The following LGR6 variants were observed in gnomAD, a reference collection of about 807,000 sequenced individuals.
LGR6 encodes leucine-rich repeat-containing G protein-coupled receptor 6.
In LGR6, 45 loss-of-function variants were observed where a neutral mutation model predicts 69.4. The observed-to-expected ratio is 0.65, with a 90% CI of 0.51 to 0.83. LGR6 has a LOEUF of 0.83. LGR6 is among the 40% of genes least tolerant of loss of function. LGR6 has a pLI of 0.00. For missense variants in LGR6, 1,108 were observed against 1,246.7 expected, an observed-to-expected ratio of 0.89 and a Z score of 1.68; for synonymous variants, 538 against 555.0, an observed-to-expected ratio of 0.97 and a Z score of 0.43.
Position 202,253,620 on chromosome 1 carries a change from C to CTTT in LGR6, c.428+17651_428+17653dup, listed in dbSNP as rs71141468. Among the ~76,000 whole-genome samples, 28 of 52,486 alleles carry CTTT rather than the reference C, an allele frequency of 5.3e-4. 2 individuals carry two copies. Among genetic ancestry groups the CTTT allele is most frequent in the Middle Eastern group, 0.024 (1 of 42 alleles). 34.4% of individuals were successfully genotyped at this position (52,486 alleles called of 152,430 possible). On this transcript the variant is annotated intron_variant, in intron 4 of 17. Transcript: ENST00000367278. ...GCCTGGCCAAGATGGTCCTACTATT[C>CTTT]TTTTTTTTTTTTTTTTTTTTTTTTT...
chr1:202,259,821 C>T (rs968897864), intron 4 of LGR6, among the ~76,000 whole-genome samples: 2 of 152,136 alleles, frequency 1.3e-5, no homozygotes, highest in African/African-American at 2.4e-5. Flanking sequence ...GCCTGAGTTC[C>T]CTCTCTTTGT....
At chr1:202,307,531 C>A in intron 14 of LGR6, 130 bp downstream of exon 14, 1 of 730,974 alleles carries the variant, frequency 1.4e-6, no homozygotes, top group Admixed American at 2.2e-5. Context: ...TCAGCCTAAT[C>A]AATCATTCTG....
intron 1 of LGR6, among the ~76,000 whole-genome samples, chr1:202,204,668 C>T (rs111205721): frequency 2.3e-3 from 25 of 10,970 alleles, no homozygotes; most frequent in Admixed American, 3.4e-3. Flanking sequence ...CAAACACACA[C>T]ACGCCTCCAA....
intron 9 of LGR6, among the ~76,000 whole-genome samples, chr1:202,301,975 C>T (rs1283487685): frequency 1.3e-5 from 2 of 151,974 alleles, no homozygotes; most frequent in East Asian, 1.9e-4. Flanking sequence ...GCCGAGATCG[C>T]GCCATTGCAC....
chr1:202,225,512 A>C lies in LGR6; in HGVS notation c.284+18A>C. ...GAGGAGCTGTGAGTAGATGCTTTGC[A>C]GGGTGGGAGGCAAGCATGGGCTCTG... On this transcript the variant is annotated intron_variant, in intron 2 of 17. Coordinates refer to ENST00000367278, the MANE Select transcript of LGR6 (RefSeq NM_001017403.2). 6.2e-7 allele frequency: 1 copy of C among 1,607,408 alleles called. No individual in the cohort carries two copies. The highest frequency in any genetic ancestry group is 8.5e-7 in the Non-Finnish European group (1 of 1,174,148).
chr1:202,288,153 C>G (rs1224349251), intron 6 of LGR6, among the ~76,000 whole-genome samples: 1 of 152,196 alleles, frequency 6.6e-6, no homozygotes, highest in East Asian at 1.9e-4. Context: ...CAAGCCTTTT[C>G]CTTTTGTCTG....
chr1:202,298,526 A>T (rs788824), intron 7 of LGR6: 68,370 of 146,496 alleles, frequency 0.47, 17,233 homozygotes, highest in East Asian at 0.7. Context: ...CTTAGTATCT[A>T]TTTTTTTTTT....
At chr1:202,200,043 A>G (rs1283315884) in intron 1 of LGR6, among the ~76,000 whole-genome samples, 2 of 152,182 alleles carry the variant, frequency 1.3e-5, no homozygotes, top group Admixed American at 6.5e-5. Context: ...GCCCCATCAG[A>G]TCACCCTTCC....
At chr1:202,302,047 C>T (rs1160954196) in intron 9 of LGR6, among the ~76,000 whole-genome samples, 2 of 151,966 alleles carry the variant, frequency 1.3e-5, no homozygotes, top group Non-Finnish European at 2.9e-5. Flanking sequence ...ATTAGCCGGA[C>T]GTGGTGGTGC....
Position 202,225,432 on chromosome 1 carries a change from C to T in LGR6, c.222C>T (p.Ser74=). Residue 74 remains serine, a synonymous_variant, in exon 2 of 18, where the codon AGC becomes AGT. Transcript: ENST00000367278. ...ATCTTCTCTCCACCAGGGACCTCAG[C>T]ATGAACAACCTCACAGAGCTTCAGC... ...LDPLTAYLDL[S]MNNLTELQPG... 1 of 1,613,836 alleles carries T rather than the reference C, an allele frequency of 6.2e-7. No individual in the cohort carries two copies. Among genetic ancestry groups the T allele is most frequent in the South Asian group, 1.1e-5 (1 of 91,076 alleles).
intron 4 of LGR6, among the ~76,000 whole-genome samples, chr1:202,251,016 C>T (rs977097069): frequency 3.3e-5 from 5 of 152,140 alleles, no homozygotes; most frequent in Admixed American, 6.5e-5. Flanking sequence ...GGGCCCTGCC[C>T]GCTCTCTGCT....
chr1:202,277,403 A>G (rs1665657219), intron 5 of LGR6, among the ~76,000 whole-genome samples: 1 of 151,964 alleles, frequency 6.6e-6, no homozygotes, highest in South Asian at 2.1e-4. Context: ...ATCCTTGTGG[A>G]CTATATTCTT....
At position 202,314,003 on chromosome 1, in the gene LGR6, C is replaced by T. The variant is rs144190177; in HGVS notation, c.1568-799C>T. 4.6e-5 allele frequency among the ~76,000 whole-genome samples: 7 copies of T among 152,292 alleles called. No homozygotes were observed. The East Asian group carries it at 7.7e-4, about 17-fold the overall frequency. ...AAATTCTTCTGCATTTGCCCAGTGC[C>T]AGAATTGCACTCAGCAGATGTGGAC... On this transcript the variant is annotated intron_variant, in intron 16 of 17. Coordinates refer to ENST00000367278, the MANE Select transcript of LGR6 (RefSeq NM_001017403.2).
At chr1:202,279,003 C>T (rs916442019) in intron 5 of LGR6, among the ~76,000 whole-genome samples, 2 of 152,160 alleles carry the variant, frequency 1.3e-5, no homozygotes, top group Admixed American at 1.3e-4. Context: ...GTGCCCAAGA[C>T]ACCAGGGTTG....
chr1:202,290,319 C>A (rs913991552), intron 6 of LGR6, among the ~76,000 whole-genome samples: 1 of 152,200 alleles, frequency 6.6e-6, no homozygotes, highest in South Asian at 2.1e-4. Flanking sequence ...CATCTAACTT[C>A]CAAATCATAA....
chr1:202,289,698 T>C (rs1242104232), intron 6 of LGR6, among the ~76,000 whole-genome samples: 2 of 152,250 alleles, frequency 1.3e-5, no homozygotes, highest in East Asian at 3.8e-4. Context: ...GGTTCCTGGC[T>C]CACCCAGTCA....
At chr1:202,198,545 AG>A (rs1443368181) in intron 1 of LGR6, among the ~76,000 whole-genome samples, 5 of 151,942 alleles carry the variant, frequency 3.3e-5, no homozygotes, top group African/African-American at 1.2e-4. Context: ...CATGGGAGGG[AG>A]GGAAGCAGTC....
chr1:202,283,074 A>G (rs1009547090), intron 6 of LGR6, among the ~76,000 whole-genome samples: 1 of 152,326 alleles, frequency 6.6e-6, no homozygotes. Context: ...ATAGTTAACT[A>G]ATCTTACAGG....
intron 4 of LGR6, among the ~76,000 whole-genome samples, chr1:202,246,161 TCCCCCATC>T (rs1662659236): frequency 3.9e-5 from 1 of 25,706 alleles, no homozygotes; most frequent in Non-Finnish European, 6.8e-5. Context: ...CATCCCTCCC[TCCCCCATC>T]CCTCCATCCC....
Sources: allele counts gnomAD v4.1 joint callset (sites outside exome capture counted in the v4.1 genomes callset), GRCh38; gene constraint gnomAD v4.1.1; transcripts MANE v1.5; gene names NCBI Gene and HGNC (gene_info 2026-07-23, HGNC 2026-07-21).